Variants in PALS2 observed in about 807,000 individuals in gnomAD.
The protein encoded by PALS2 is protein associated with LIN7 2, MAGUK p55 family member.
Under a neutral mutation model 61.6 loss-of-function variants are expected in PALS2, and 27 were observed. That is an observed-to-expected ratio of 0.44 (90% CI 0.32 to 0.60). The LOEUF (loss-of-function observed/expected upper bound fraction) is 0.60. Among genes scored for constraint, PALS2 ranks in the 20% least tolerant of loss-of-function variants. The pLI is 0.05. For synonymous variants in PALS2, 236 were observed against 218.6 expected (o/e 1.08, Z -0.70); for missense variants, 554 against 639.4 (o/e 0.87, Z 1.44).
chr7:24,634,075 T>C (rs1191339781), intron 2 of PALS2, among the ~76,000 whole-genome samples: 1 of 151,308 alleles, frequency 6.6e-6, no homozygotes, highest in Non-Finnish European at 1.5e-5. Flanking sequence ...TTGAGTCATA[T>C]TTATTTTTAT....
intron 11 of PALS2, among the ~76,000 whole-genome samples, chr7:24,683,508 T>C (rs144289240): frequency 5.3e-5 from 8 of 152,310 alleles, no homozygotes; most frequent in African/African-American, 1.2e-4. Flanking sequence ...CTTATTCTAG[T>C]TGGCCCTTGA....
chr7:24,623,223 G>C (rs1228424196), intron 1 of PALS2, among the ~76,000 whole-genome samples: 1 of 148,910 alleles, frequency 6.7e-6, no homozygotes, highest in Admixed American at 6.7e-5. Context: ...TTTTGAAGGA[G>C]TTTGTGAAGT....
chr7:24,589,070 T>G (rs79908540), intron 1 of PALS2: 2 of 152,076 alleles, frequency 1.3e-5, no homozygotes, highest in Non-Finnish European at 2.9e-5. Flanking sequence ...TAGATCCAAA[T>G]TTTGTGTGTG....
At chr7:24,644,511 T>C (rs1376380477) in intron 3 of PALS2, among the ~76,000 whole-genome samples, 1 of 144,378 alleles carries the variant, frequency 6.9e-6, no homozygotes, top group African/African-American at 2.9e-5. Flanking sequence ...TGTGTGTGTA[T>C]ATATATATAT....
intron 11 of PALS2, among the ~76,000 whole-genome samples, chr7:24,685,644 AG>A (rs1391159957): frequency 7.4e-6 from 1 of 134,564 alleles, no homozygotes; most frequent in Non-Finnish European, 1.5e-5. Context: ...TATTGTTAAC[AG>A]GGTTTTTTTT....
At chr7:24,583,577 G>A (rs1257001694) in intron 1 of PALS2, among the ~76,000 whole-genome samples, 2 of 150,548 alleles carry the variant, frequency 1.3e-5, no homozygotes, top group Non-Finnish European at 2.9e-5. Flanking sequence ...CAAATAAAGT[G>A]GTTATAAATC....
intron 5 of PALS2, among the ~76,000 whole-genome samples, chr7:24,652,575 C>T (rs1321971927): frequency 1.3e-5 from 2 of 151,254 alleles, no homozygotes; most frequent in African/African-American, 2.4e-5. Context: ...TCCAAAAGAA[C>T]ATCCAAATTG....
chr7:24,589,874 T>C (rs1783216134), intron 1 of PALS2, among the ~76,000 whole-genome samples: 1 of 152,154 alleles, frequency 6.6e-6, no homozygotes, highest in African/African-American at 2.4e-5. Context: ...TGGTTCTCAA[T>C]TCATGACTGG....
chr7:24,610,105 C>T (rs1445653115), intron 1 of PALS2, among the ~76,000 whole-genome samples: 1 of 152,078 alleles, frequency 6.6e-6, no homozygotes, highest in Non-Finnish European at 1.5e-5. Flanking sequence ...CCCTTATTTC[C>T]ACAATACTAA....
At chr7:24,617,130 A>C (rs1784320893) in intron 1 of PALS2, among the ~76,000 whole-genome samples, 1 of 152,038 alleles carries the variant, frequency 6.6e-6, no homozygotes, top group African/African-American at 2.4e-5. Context: ...ACCTGTCCTA[A>C]GTTCAGAAAT....
At chr7:24,587,397 TTAGACAGCATATCCCTC>T (rs1783110420) in intron 1 of PALS2, among the ~76,000 whole-genome samples, 1 of 152,092 alleles carries the variant, frequency 6.6e-6, no homozygotes, top group Non-Finnish European at 1.5e-5. Context: ...AAAAATTTTT[TTAGACAGCATATCCCTC>T]TGTCACCCAG....
intron 9 of PALS2, among the ~76,000 whole-genome samples, chr7:24,675,793 G>C (rs1787547975): frequency 8.2e-6 from 1 of 122,134 alleles, no homozygotes. Context: ...GTCTATCATT[G>C]TTGGACATTT....
intron 1 of PALS2, among the ~76,000 whole-genome samples, chr7:24,601,598 A>G (rs538000729): frequency 6.6e-6 from 1 of 151,472 alleles, no homozygotes; most frequent in Admixed American, 6.6e-5. Context: ...TGCTTGTTTC[A>G]TGCTTTGAGA....
intron 3 of PALS2, among the ~76,000 whole-genome samples, chr7:24,644,923 T>G (rs1785753818): frequency 6.6e-6 from 1 of 152,300 alleles, no homozygotes; most frequent in East Asian, 1.9e-4. Flanking sequence ...TTTCATATCC[T>G]TGTTGGCCAC....
chr7:24,643,287 A>G (rs568169843), intron 3 of PALS2, among the ~76,000 whole-genome samples: 1 of 152,306 alleles, frequency 6.6e-6, no homozygotes, highest in East Asian at 1.9e-4. Context: ...TAATAAATAT[A>G]TAAGCACATA....
chr7:24,677,023 G>A (rs867787680), intron 9 of PALS2, among the ~76,000 whole-genome samples: 1 of 149,048 alleles, frequency 6.7e-6, no homozygotes, highest in African/African-American at 2.6e-5. Flanking sequence ...GAATGTTCTT[G>A]CATTTGTTTG....
intron 5 of PALS2, among the ~76,000 whole-genome samples, chr7:24,651,307 G>A (rs927100579): frequency 2.0e-5 from 3 of 152,264 alleles, no homozygotes; most frequent in Admixed American, 6.5e-5. Flanking sequence ...ATGTAACCAG[G>A]TGGCAGATTT....
chr7:24,620,828 A>G (rs1410660829), intron 1 of PALS2, among the ~76,000 whole-genome samples: 3 of 152,184 alleles, frequency 2.0e-5, no homozygotes, highest in Admixed American at 6.5e-5. Flanking sequence ...TCAAAGTTAT[A>G]TAAGGTAGAA....
intron 1 of PALS2, among the ~76,000 whole-genome samples, chr7:24,612,925 G>A (rs572546628): frequency 6.6e-6 from 1 of 151,894 alleles, no homozygotes; most frequent in African/African-American, 2.4e-5. Flanking sequence ...TCCATTAAAT[G>A]TGATGCTTCC....
Sources: gnomAD v4.1 joint callset for allele counts (sites outside exome capture counted in the v4.1 genomes callset) on GRCh38, gnomAD v4.1.1 for gene constraint, MANE v1.5 for transcripts, NCBI Gene and HGNC (gene_info 2026-07-23, HGNC 2026-07-21) for gene names.